C12orf42: variants seen among roughly 807,000 people sequenced by gnomAD.
The protein encoded by C12orf42 is uncharacterized protein C12orf42.
Under a neutral mutation model 21.6 loss-of-function variants are expected in C12orf42, and 25 were observed. That is an observed-to-expected ratio of 1.16 (90% confidence interval 0.84 to 1.62). The LOEUF is 1.62. C12orf42 is among the 40% of genes most tolerant of loss of function. The pLI, the probability that C12orf42 is intolerant of heterozygous loss-of-function variation, is 0.00. For synonymous variants in C12orf42, 174 were observed against 175.0 expected, an observed-to-expected ratio of 0.99 and a Z score of 0.05; for missense variants, 483 against 459.3, an observed-to-expected ratio of 1.05 and a Z score of -0.47.
upstream of C12orf42, among the ~76,000 whole-genome samples, chr12:103,496,800 T>A (rs1415997416): frequency 2.4e-4 from 7 of 29,632 alleles, no homozygotes; most frequent in South Asian, 9.2e-4. Flanking sequence ...ACATCTAAAA[T>A]ATTTCTAGCC....
At chr12:103,533,209 G>A in the C12orf42 span, among the ~76,000 whole-genome samples, 2 of 152,210 alleles carry the variant, frequency 1.3e-5, no homozygotes. Context: ...ATGGGAATTT[G>A]TCATTGCTGA....
chr12:103,065,429 C>T, the C12orf42 span, among the ~76,000 whole-genome samples: 1 of 152,204 alleles, frequency 6.6e-6, no homozygotes, highest in African/African-American at 2.4e-5. Context: ...CTTCAGCTGG[C>T]AAGACCAGCA....
chr12:103,536,622 G>C, the C12orf42 span, among the ~76,000 whole-genome samples: 1 of 152,164 alleles, frequency 6.6e-6, no homozygotes, highest in Admixed American at 6.5e-5. Context: ...GGATGAAAGA[G>C]AAGGGTGCCA....
chr12:103,310,313 G>A (rs1372431636), intron 4 of C12orf42, among the ~76,000 whole-genome samples: 1 of 151,928 alleles, frequency 6.6e-6, no homozygotes, highest in East Asian at 1.9e-4. Context: ...TTTGCCATGG[G>A]ACTTGCCTAT....
In C12orf42 at chr12:103,302,094, T is replaced by C. The variant is rs2037700567; in HGVS notation, c.*14A>G. ...AAGATGGGCAGCACTCGCCGAACAATTCCCTCGCAGCGGTCAATGTAAGTG... is the reference window on the plus strand; with the variant it reads ...AAGATGGGCAGCACTCGCCGAACAACTCCCTCGCAGCGGTCAATGTAAGTG... On this transcript the variant is annotated 3_prime_UTR_variant, in exon 6 of 6. Coordinates refer to ENST00000548883, the MANE Select transcript of C12orf42 (RefSeq NM_198521.5). The C allele has an allele frequency of 2.5e-6, 4 of 1,603,220 alleles. No individual in the cohort carries two copies. The highest frequency in any genetic ancestry group is 1.7e-5 in the Admixed American group (1 of 58,754).
At chr12:103,280,091 T>A (rs952453553) in intron 4 of C12orf42, among the ~76,000 whole-genome samples, 49 of 152,206 alleles carry the variant, frequency 3.2e-4, no homozygotes, top group Non-Finnish European at 6.6e-4. Context: ...ATGTCCCAGA[T>A]ACTCTTTTGA....
intron 2 of C12orf42, among the ~76,000 whole-genome samples, chr12:103,446,907 A>C (rs1229198191): frequency 6.6e-6 from 1 of 152,040 alleles, no homozygotes; most frequent in African/African-American, 2.4e-5. Context: ...GCAACACAAC[A>C]ATAGTGGGAG....
At chr12:103,235,134 A>T (rs1337535913), downstream of C12orf42, among the ~76,000 whole-genome samples, 1 of 152,174 alleles carries the variant, frequency 6.6e-6, no homozygotes, top group African/African-American at 2.4e-5. Flanking sequence ...TTCCATAAAT[A>T]CTTCTGACAT....
the C12orf42 span, chr12:103,559,534 C>G: frequency 3.3e-5 from 5 of 152,152 alleles, no homozygotes; most frequent in East Asian, 9.6e-4. Context: ...GTCTCAGGGA[C>G]CCTGACACAG....
chr12:103,184,641 G>A, the C12orf42 span, among the ~76,000 whole-genome samples: 1 of 150,886 alleles, frequency 6.6e-6, no homozygotes, highest in African/African-American at 2.4e-5. Context: ...TTCTAGTTTA[G>A]GAAGACCCCA....
intron 4 of C12orf42, among the ~76,000 whole-genome samples, chr12:103,356,440 T>C (rs1195924176): frequency 2.0e-5 from 3 of 152,144 alleles, no homozygotes; most frequent in Non-Finnish European, 4.4e-5. Context: ...GACATTTGGG[T>C]TGGTTCCAAG....
intron 4 of C12orf42, among the ~76,000 whole-genome samples, chr12:103,284,810 G>A (rs781458330): frequency 2.6e-5 from 4 of 152,100 alleles, no homozygotes; most frequent in Non-Finnish European, 4.4e-5. Context: ...TTTTGCTTTC[G>A]TGGGCCCCTA....
At chr12:103,454,883 T>C (rs1479819516) in intron 2 of C12orf42, among the ~76,000 whole-genome samples, 2 of 152,202 alleles carry the variant, frequency 1.3e-5, no homozygotes, top group African/African-American at 4.8e-5. Flanking sequence ...TGTATATATT[T>C]ACCCAGCATT....
At chr12:103,433,012 G>A (rs942372841) in intron 2 of C12orf42, among the ~76,000 whole-genome samples, 8 of 152,120 alleles carry the variant, frequency 5.3e-5, no homozygotes, top group Admixed American at 2.6e-4. Context: ...AAAGCAACCC[G>A]AAGCACAGGA....
the C12orf42 span, among the ~76,000 whole-genome samples, chr12:103,544,418 G>C: frequency 1.3e-5 from 2 of 152,066 alleles, no homozygotes; most frequent in Non-Finnish European, 1.5e-5. Flanking sequence ...ATTGTTCTCT[G>C]GCTGCTTTTA....
At chr12:103,475,929 T>C (rs545073223) in intron 2 of C12orf42, among the ~76,000 whole-genome samples, 1 of 152,344 alleles carries the variant, frequency 6.6e-6, no homozygotes, top group East Asian at 1.9e-4. Flanking sequence ...TTTATTCTCC[T>C]GGGATTAACA....
At chr12:103,338,833 G>A (rs1224024552) in intron 4 of C12orf42, among the ~76,000 whole-genome samples, 1 of 152,184 alleles carries the variant, frequency 6.6e-6, no homozygotes, top group Non-Finnish European at 1.5e-5. Context: ...GAACAGGAAA[G>A]AAGGAGGAAG....
chr12:103,085,874 A>G, the C12orf42 span, among the ~76,000 whole-genome samples: 1 of 152,290 alleles, frequency 6.6e-6, no homozygotes, highest in East Asian at 1.9e-4. Flanking sequence ...CAGCAGCCTA[A>G]TTACAAAGGA....
chr12:103,497,169 C>T (rs1339052076), upstream of C12orf42, among the ~76,000 whole-genome samples: 1 of 152,116 alleles, frequency 6.6e-6, no homozygotes, highest in African/African-American at 2.4e-5. Flanking sequence ...TTTTATCATT[C>T]ATATGCAAGA....
Sources: allele counts gnomAD v4.1 joint callset (sites outside exome capture counted in the v4.1 genomes callset), GRCh38; gene constraint gnomAD v4.1.1; transcripts MANE v1.5; gene names NCBI Gene and HGNC (gene_info 2026-07-23, HGNC 2026-07-21).